Variants in CRHR1 observed in about 807,000 individuals in gnomAD.
CRHR1 encodes corticotropin-releasing hormone receptor 1.
CRHR1 carries 28 observed loss-of-function variants against 56.0 expected under a neutral mutation model. The observed-to-expected ratio is 0.50, with a 90% CI of 0.37 to 0.69. CRHR1 has a LOEUF of 0.69. CRHR1 is among the 30% of genes least tolerant of loss of function. The pLI is 0.00. For synonymous variants in CRHR1, 195 were observed against 216.5 expected (o/e 0.90, Z 0.87); for missense variants, 376 against 548.0 (o/e 0.69, Z 3.13).
chr17:45,833,592 T>G, intron 10 of CRHR1, 55 bp downstream of exon 10: 1 of 1,596,082 alleles, frequency 6.3e-7, no homozygotes, highest in South Asian at 1.1e-5. Context: ...CTGCTCCCCA[T>G]GCCTCTCACG....
At chr17:45,803,372 C>G (rs971289839) in intron 1 of CRHR1, among the ~76,000 whole-genome samples, 2 of 152,000 alleles carry the variant, frequency 1.3e-5, no homozygotes, top group Admixed American at 1.3e-4. Flanking sequence ...TCTTTTCTTT[C>G]TTTTTTATTT....
At chr17:45,790,535 G>A (rs938281532) in intron 1 of CRHR1, among the ~76,000 whole-genome samples, 4 of 152,210 alleles carry the variant, frequency 2.6e-5, no homozygotes, top group African/African-American at 9.6e-5. Flanking sequence ...AGATGTTTGC[G>A]GCTGTTCTTT....
intron 1 of CRHR1, among the ~76,000 whole-genome samples, chr17:45,797,990 G>A (rs1396646148): frequency 1.3e-5 from 2 of 152,104 alleles, no homozygotes; most frequent in Non-Finnish European, 2.9e-5. Context: ...AGTCCAAGGT[G>A]CGGGGCTATG....
chr17:45,815,713 A>C (rs1011567457), intron 2 of CRHR1, among the ~76,000 whole-genome samples: 1 of 152,360 alleles, frequency 6.6e-6, no homozygotes, highest in East Asian at 1.9e-4. Context: ...AGAGAGGGCA[A>C]GTGACTTGCC....
At chr17:45,827,259 C>T (rs1178773539) in intron 4 of CRHR1, 1 of 152,328 alleles carries the variant, frequency 6.6e-6, no homozygotes, top group Non-Finnish European at 1.5e-5. Flanking sequence ...CGGCCTGACT[C>T]GGGAGTGAGG....
At chr17:45,831,965 C>G (rs189409711) in intron 8 of CRHR1, among the ~76,000 whole-genome samples, 1 of 152,296 alleles carries the variant, frequency 6.6e-6, no homozygotes, top group East Asian at 1.9e-4. Flanking sequence ...CTGACTCAGG[C>G]TGGCTGAGGC....
In CRHR1 at chr17:45,788,111, A is replaced by C. The variant is rs138262883; in HGVS notation, c.33+3534A>C. Among the ~76,000 whole-genome samples the C allele has an allele frequency of 7.9e-3, 1,211 of 152,358 alleles. 20 individuals carry two copies. The highest frequency in any genetic ancestry group is 0.028 in the African/African-American group (1,152 of 41,574). ...CATCAACCTCCAGGTTCAGCCACAC[A>C]TAAGGAGTTTGGGGGTCAAGGTGCC... On this transcript the variant is annotated intron_variant, in intron 1 of 12. Transcript: ENST00000314537.
chr17:45,819,575 C>T (rs1250031343), intron 3 of CRHR1, among the ~76,000 whole-genome samples: 1 of 152,138 alleles, frequency 6.6e-6, no homozygotes, highest in East Asian at 1.9e-4. Flanking sequence ...TCTCCTGGTT[C>T]CTCGTCTCAC....
chr17:45,807,169 C>T (rs1382015085), intron 2 of CRHR1, 72 bp downstream of exon 2: 7 of 1,380,552 alleles, frequency 5.1e-6, no homozygotes, highest in Non-Finnish European at 7.2e-6. Context: ...TATCCCAGAG[C>T]CTGCACACAG....
At chr17:45,793,606 T>C (rs950990832) in intron 1 of CRHR1, among the ~76,000 whole-genome samples, 8 of 152,074 alleles carry the variant, frequency 5.3e-5, no homozygotes, top group African/African-American at 1.9e-4. Flanking sequence ...TGAGTCGGTG[T>C]GGGGGTGCAG....
At chr17:45,809,551 A>C (rs1818188533) in intron 2 of CRHR1, among the ~76,000 whole-genome samples, 1 of 152,220 alleles carries the variant, frequency 6.6e-6, no homozygotes, top group Admixed American at 6.5e-5. Context: ...CCCCCAGCCC[A>C]GCCCAGCCTG....
intron 2 of CRHR1, among the ~76,000 whole-genome samples, chr17:45,811,985 G>C (rs1461364416): frequency 6.6e-6 from 1 of 152,156 alleles, no homozygotes; most frequent in Non-Finnish European, 1.5e-5. Flanking sequence ...AATAACAGCT[G>C]TCTCTTGGTA....
chr17:45,830,301 C>A, intron 6 of CRHR1, 87 bp downstream of exon 6: 1 of 1,598,184 alleles, frequency 6.3e-7, no homozygotes, highest in Non-Finnish European at 8.5e-7. Flanking sequence ...GAGGAGCCCA[C>A]AGAACAGGAG....
At chr17:45,811,703 A>C (rs899469707) in intron 2 of CRHR1, among the ~76,000 whole-genome samples, 2 of 152,002 alleles carry the variant, frequency 1.3e-5, no homozygotes, top group East Asian at 1.9e-4. Context: ...CTCTGCTGAG[A>C]ACACTTTCCC....
At chr17:45,820,647 T>G (rs1224105911) in intron 3 of CRHR1, among the ~76,000 whole-genome samples, 1 of 152,054 alleles carries the variant, frequency 6.6e-6, no homozygotes, top group African/African-American at 2.4e-5. Flanking sequence ...AGTGATGACA[T>G]CTCCCCACAC....
intron 1 of CRHR1, among the ~76,000 whole-genome samples, chr17:45,803,610 TCC>T (rs1296900508): frequency 6.6e-6 from 1 of 152,152 alleles, no homozygotes; most frequent in Non-Finnish European, 1.5e-5. Context: ...GGTCTCAAAC[TCC>T]CGACCTCAGG....
rs760589181 is a variant in CRHR1 at position 45,816,568 on chromosome 17, G to A, written c.227G>A (p.Arg76His). 15 of 1,614,040 alleles carry A rather than the reference G, an allele frequency of 9.3e-6. No homozygotes were observed. The highest frequency in any genetic ancestry group is 3.3e-5 in the South Asian group (3 of 91,082). The change falls in exon 3 of 13, where the codon CGC becomes CAC. Residue 76 changes from arginine (R) to histidine (H), a missense_variant. Transcript: ENST00000314537. ...TGCCCTGCCTTTTTCTATGGTGTCC[G>A]CTACAATACCACAAGTAAGGAAGAA... ...RPCPAFFYGV[R>H]YNTTNNGYRE...
chr17:45,808,629 T>G (rs1450365323), intron 2 of CRHR1, among the ~76,000 whole-genome samples: 2 of 151,740 alleles, frequency 1.3e-5, no homozygotes. Context: ...GTACTAGGTT[T>G]GGTTTGGTTT....
At chr17:45,800,062 A>G (rs1426516945) in intron 1 of CRHR1, 1 of 152,834 alleles carries the variant, frequency 6.5e-6, no homozygotes, top group Non-Finnish European at 1.5e-5. Context: ...ACCCCATCTG[A>G]AACTCCATGG....
Sources: gnomAD v4.1 joint callset for allele counts (sites outside exome capture counted in the v4.1 genomes callset) on GRCh38, gnomAD v4.1.1 for gene constraint, MANE v1.5 for transcripts, NCBI Gene and HGNC (gene_info 2026-07-23, HGNC 2026-07-21) for gene names.